The following PAK2 variants were observed in gnomAD, a reference collection of about 807,000 sequenced individuals.
The protein encoded by PAK2 is serine/threonine-protein kinase PAK 2.
A neutral mutation model predicts 65.9 loss-of-function variants in PAK2; 21 were observed. The ratio of observed to expected loss-of-function variants is 0.32; its 90% confidence interval spans 0.23 to 0.46. The LOEUF is 0.46. PAK2 is among the 20% of genes least tolerant of loss of function. PAK2 has a pLI of 1.00. For missense variants in PAK2, 324 were observed against 642.6 expected (o/e 0.50, Z 5.36); for synonymous variants, 204 against 219.7 (o/e 0.93, Z 0.63).
intron 2 of PAK2, among the ~76,000 whole-genome samples, chr3:196,795,302 A>G (rs1283908762): frequency 2.6e-5 from 4 of 151,714 alleles, no homozygotes; most frequent in Non-Finnish European, 5.9e-5. Flanking sequence ...CAAAAAAAAA[A>G]AAAGAAAAAA....
At chr3:196,754,334 C>G (rs1477851361) in intron 1 of PAK2, among the ~76,000 whole-genome samples, 1 of 152,144 alleles carries the variant, frequency 6.6e-6, no homozygotes, top group Non-Finnish European at 1.5e-5. Flanking sequence ...TGAACAGTAA[C>G]TGTTATGTCC....
intron 13 of PAK2, among the ~76,000 whole-genome samples, chr3:196,826,985 A>G (rs1200667936): frequency 1.3e-5 from 2 of 152,200 alleles, no homozygotes; most frequent in African/African-American, 4.8e-5. Context: ...ACCAAAGGTG[A>G]ATCTGATTTC....
At chr3:196,762,425 G>A (rs538514646) in intron 1 of PAK2, among the ~76,000 whole-genome samples, 1 of 145,600 alleles carries the variant, frequency 6.9e-6, no homozygotes, top group Non-Finnish European at 1.5e-5. Context: ...CTGAGTGAAC[G>A]AGACTCCGTC....
At chr3:196,777,375 T>A (rs1714570247) in intron 1 of PAK2, among the ~76,000 whole-genome samples, 1 of 152,126 alleles carries the variant, frequency 6.6e-6, no homozygotes, top group African/African-American at 2.4e-5. Flanking sequence ...AGCTAATTTT[T>A]AAATTTTTAG....
At position 196,815,670 on chromosome 3, in the gene PAK2, T is replaced by C. The variant is rs139443499; in HGVS notation, c.1053+1102T>C. On this transcript the variant is annotated intron_variant, in intron 11 of 14. Transcript: ENST00000327134. ...GGTGTGGTGGTACGCGCCTGTAGTCTCAGCTACTCGGGAGGCTGAGACGGG... is the reference window on the plus strand; with the variant it reads ...GGTGTGGTGGTACGCGCCTGTAGTCCCAGCTACTCGGGAGGCTGAGACGGG... 3.5e-3 allele frequency among the ~76,000 whole-genome samples: 527 copies of C among 151,110 alleles called. 1 individual carries two copies. Among genetic ancestry groups the C allele is most frequent in the Admixed American group, 4.6e-3 (70 of 15,138 alleles).
chr3:196,761,611 C>T (rs1480056094), intron 1 of PAK2, among the ~76,000 whole-genome samples: 2 of 131,418 alleles, frequency 1.5e-5, no homozygotes, highest in Admixed American at 8.0e-5. Context: ...CCACCTTTCC[C>T]GCCTTTCTAT....
chr3:196,769,473 T>G (rs1025554809), intron 1 of PAK2, among the ~76,000 whole-genome samples: 2 of 151,970 alleles, frequency 1.3e-5, no homozygotes, highest in Admixed American at 6.6e-5. Context: ...TGTACAACCA[T>G]CACCACCATC....
chr3:196,744,130 G>A (rs1713294722), intron 1 of PAK2, among the ~76,000 whole-genome samples: 2 of 152,122 alleles, frequency 1.3e-5, no homozygotes. Context: ...TGTAGTCCTA[G>A]CTACTTGGGA....
chr3:196,815,743 T>TG (rs1335602763), intron 11 of PAK2, among the ~76,000 whole-genome samples: 2 of 151,066 alleles, frequency 1.3e-5, no homozygotes, highest in Non-Finnish European at 2.9e-5. Flanking sequence ...GCCGAGATCG[T>TG]GCCACTGCAT....
At position 196,829,574 on chromosome 3, in the gene PAK2, G is replaced by C. The variant is rs543184522; in HGVS notation, c.*1169G>C. 6.6e-6 allele frequency: 1 copy of C among 152,256 alleles called. No individual in the cohort carries two copies. The highest frequency in any genetic ancestry group is 2.4e-5 in the African/African-American group (1 of 41,550). The allele number at this position is 152,256 out of a possible 1,614,324, so 9.4% of individuals were successfully genotyped here. ...GAGAAGAGATTATACTCATGAAAGA[G>C]AATGTTAGTGTTACAGAGAAGCAGC... On this transcript the variant is annotated 3_prime_UTR_variant, in exon 15 of 15. Coordinates refer to ENST00000327134, the MANE Select transcript of PAK2 (RefSeq NM_002577.4).
intron 13 of PAK2, among the ~76,000 whole-genome samples, chr3:196,825,567 C>G (rs1281674776): frequency 6.6e-6 from 1 of 151,930 alleles, no homozygotes; most frequent in Non-Finnish European, 1.5e-5. Context: ...CGCTTGAACT[C>G]AGGAGGTGAA....
In PAK2 at chr3:196,829,233, A is replaced by G. The variant is rs1711985318; in HGVS notation, c.*828A>G. On this transcript the variant is annotated 3_prime_UTR_variant, in exon 15 of 15. Transcript: ENST00000327134. ...TTTCCCCTTCAGGCTTGGCTCTAGG[A>G]ACCAAAGTGATTTGTTGTTGTTCCA... The G allele has an allele frequency of 6.6e-6, 1 of 152,620 alleles. No homozygotes were observed. The allele number at this position is 152,620 out of a possible 1,614,324, so 9.5% of individuals were successfully genotyped here.
intron 1 of PAK2, among the ~76,000 whole-genome samples, chr3:196,747,967 G>A (rs952559883): frequency 1.3e-5 from 2 of 151,944 alleles, no homozygotes; most frequent in African/African-American, 4.8e-5. Context: ...CCCCCACTCC[G>A]CATCTAACTT....
At chr3:196,792,469 C>G (rs1715104016) in intron 2 of PAK2, among the ~76,000 whole-genome samples, 1 of 152,120 alleles carries the variant, frequency 6.6e-6, no homozygotes, top group South Asian at 2.1e-4. Flanking sequence ...CCCTCTGCTC[C>G]TGTCCATAAC....
intron 1 of PAK2, among the ~76,000 whole-genome samples, chr3:196,780,780 TTTTTA>T (rs756503838): frequency 9.2e-5 from 14 of 152,292 alleles, no homozygotes; most frequent in African/African-American, 2.4e-4. Flanking sequence ...TTCTCAAATT[TTTTTA>T]TTTTATTTTA....
chr3:196,770,321 T>C (rs890345653), intron 1 of PAK2, among the ~76,000 whole-genome samples: 1 of 152,000 alleles, frequency 6.6e-6, no homozygotes, highest in African/African-American at 2.4e-5. Flanking sequence ...TAGCATATTA[T>C]TTTCAGAGTT....
rs149375929 is a variant in PAK2, at chr3:196,778,949, T to C, written c.-21-3677T>C. On this transcript the variant is annotated intron_variant, in intron 1 of 14. Transcript: ENST00000327134. ...ACATTAGATTAGGGGATAAGTAATA[T>C]TGTCATGACTTGTCGCTGGTGATGT... 8.2e-4 allele frequency among the ~76,000 whole-genome samples: 125 copies of C among 152,348 alleles called. 1 individual carries two copies. Among genetic ancestry groups the C allele is most frequent in the African/African-American group, 2.9e-3 (120 of 41,586 alleles).
At position 196,805,379 on chromosome 3, in the gene PAK2, C is replaced by T; in HGVS notation, c.464C>T (p.Pro155Leu). The T allele has an allele frequency of 7.2e-7, 1 of 1,397,790 alleles. No homozygotes were observed. The highest frequency in any genetic ancestry group is 9.8e-7 in the Non-Finnish European group (1 of 1,019,630). 86.6% of individuals were successfully genotyped at this position (1,397,790 alleles called of 1,614,324 possible). Residue 155 changes from proline to leucine, a missense_variant, in exon 5 of 15, where the codon CCA becomes CTA. Physicochemically the swap from Pro to Leu is moderately conservative, Grantham distance 98 (BLOSUM62 -3). Coordinates refer to ENST00000327134, the MANE Select transcript of PAK2 (RefSeq NM_002577.4). ...AAAGATGGCTTTCCTTCTGGAACAC[C>T]AGCAGTAAGTTAATTATATTATTTC... is the stretch of plus-strand genomic sequence containing the variant. The part of the protein sequence containing the change: ...PEKDGFPSGT[P>L]ALNAKGTEAP...
chr3:196,747,558 T>C (rs549410626), intron 1 of PAK2, among the ~76,000 whole-genome samples: 1 of 152,314 alleles, frequency 6.6e-6, no homozygotes, highest in South Asian at 2.1e-4. Context: ...TTTTAAAATA[T>C]CTTTTAAACT....
Sources: allele counts gnomAD v4.1 joint callset (sites outside exome capture counted in the v4.1 genomes callset), GRCh38; gene constraint gnomAD v4.1.1; transcripts MANE v1.5; gene names NCBI Gene and HGNC (gene_info 2026-07-23, HGNC 2026-07-21).